NCAPH: variants seen among roughly 807,000 people sequenced by gnomAD.
NCAPH encodes non-SMC condensin I complex subunit H, also known as condensin complex subunit 2.
A neutral mutation model predicts 85.5 loss-of-function variants in NCAPH; 38 were observed. The observed-to-expected ratio is 0.44, with a 90% CI of 0.34 to 0.58. NCAPH has a LOEUF of 0.58. NCAPH is among the 20% of genes least tolerant of loss of function. The pLI, the probability that NCAPH is intolerant of heterozygous loss-of-function variation, is 0.01. For synonymous variants in NCAPH, 301 were observed against 335.1 expected, an observed-to-expected ratio of 0.90 and a Z score of 1.11; for missense variants, 789 against 916.6, an observed-to-expected ratio of 0.86 and a Z score of 1.80.
At chr2:96,370,912 G>C (rs1457957224) in intron 17 of NCAPH, among the ~76,000 whole-genome samples, 2 of 152,180 alleles carry the variant, frequency 1.3e-5, no homozygotes, top group Non-Finnish European at 2.9e-5. Context: ...GCTGCTGTTG[G>C]GGGGCAGTAA....
chr2:96,363,188 T>C (rs1481424800), intron 12 of NCAPH, among the ~76,000 whole-genome samples: 3 of 152,260 alleles, frequency 2.0e-5, no homozygotes. Context: ...ATTATAATTT[T>C]TTAGCAATGA....
rs371568088 is a variant in NCAPH, at chr2:96,359,513, G to A, written c.1357+320G>A. The A allele has an allele frequency of 3.9e-5, 13 of 334,830 alleles. No homozygotes were observed. The East Asian group carries it at 6.3e-4, about 16-fold the overall frequency. The allele number at this position is 334,830 out of a possible 1,614,324, so 20.7% of individuals were successfully genotyped here. A position where few individuals can be genotyped will look rare whatever the true frequency, so the allele number is the denominator to read the frequency against. On this transcript the variant is annotated intron_variant, in intron 10 of 17. Coordinates refer to ENST00000240423, the MANE Select transcript of NCAPH (RefSeq NM_015341.5). The stretch of plus-strand genomic sequence containing the variant: ...GGGCATGACCCCCGGGCACTAGAGG[G>A]CACACAGGAGCTACTGCACATGTTG...
chr2:96,358,665 T>A (rs761031765), intron 9 of NCAPH, among the ~76,000 whole-genome samples: 17 of 152,196 alleles, frequency 1.1e-4, no homozygotes, highest in Non-Finnish European at 2.5e-4. Context: ...AGACGGCGTT[T>A]CACTGTGTTA....
rs1466527411 is a variant in NCAPH at position 96,374,190 on chromosome 2, A to G, written c.*839A>G. ...GGACACCCAAGGTAGAGGAACTTGCAAAAGGGCAGCCGGCAAACTGTCAGG... is the reference window on the plus strand; with the variant it reads ...GGACACCCAAGGTAGAGGAACTTGCGAAAGGGCAGCCGGCAAACTGTCAGG... On this transcript the variant is annotated 3_prime_UTR_variant, in exon 18 of 18. Transcript: ENST00000240423. 6.6e-6 allele frequency among the ~76,000 whole-genome samples: 1 copy of G among 152,182 alleles called. No individual in the cohort carries two copies. The highest frequency in any genetic ancestry group is 1.9e-4 in the East Asian group (1 of 5,200).
intron 12 of NCAPH, 138 bp from the exon 13 acceptor site, chr2:96,364,343 A>G: frequency 1.7e-6 from 1 of 585,382 alleles, no homozygotes. Flanking sequence ...TTAGACTTAG[A>G]TGACTTGTGA....
chr2:96,367,057 T>C (rs543457968), intron 14 of NCAPH, among the ~76,000 whole-genome samples, 200 bp from the exon 15 acceptor site: 162 of 152,176 alleles, frequency 1.1e-3, no homozygotes, highest in Middle Eastern at 6.8e-3. Flanking sequence ...GATTGCACCA[T>C]TGCCATCCAG....
chr2:96,343,199 A>T lies in NCAPH; in HGVS notation c.490A>T (p.Ile164Phe), dbSNP rs1263126638. 1 of 1,614,130 alleles carries T rather than the reference A, an allele frequency of 6.2e-7. No homozygotes were observed. Among genetic ancestry groups the T allele is most frequent in the Admixed American group, 1.7e-5 (1 of 60,014 alleles). ...AAGTLDASTK[I>F]YAVRVDAVHA... ...GGGTACTCTGGATGCCAGCACCAAG[A>T]TCTATGCTGTGCGCGTGGATGCCGT... The change falls in exon 5 of 18, where the codon ATC (isoleucine) becomes TTC (phenylalanine). Residue 164 changes from isoleucine to phenylalanine, a missense_variant. Ile to Phe is a conservative substitution (Grantham distance 21). Coordinates refer to ENST00000240423, the MANE Select transcript of NCAPH (RefSeq NM_015341.5).
rs1396410789 is a variant in NCAPH at position 96,373,942 on chromosome 2, C to T, written c.*591C>T. On this transcript the variant is annotated 3_prime_UTR_variant, in exon 18 of 18. Coordinates refer to ENST00000240423, the MANE Select transcript of NCAPH (RefSeq NM_015341.5). ...AGGATACACACCTGTCAGTATAAGG[C>T]AGAAGATGCCTAAGGGCCAAGATGG... 6.6e-6 allele frequency: 1 copy of T among 152,306 alleles called. No homozygotes were observed. Among genetic ancestry groups the T allele is most frequent in the Non-Finnish European group, 1.5e-5 (1 of 68,062 alleles). The allele number at this position is 152,306 out of a possible 1,614,324, so 9.4% of individuals were successfully genotyped here.
chr2:96,342,960 G>A (rs933802153), intron 4 of NCAPH, 112 bp downstream of exon 4: 49 of 1,156,570 alleles, frequency 4.2e-5, no homozygotes, highest in Non-Finnish European at 6.1e-5. Context: ...TCATTTAGAT[G>A]TTATGTTAGT....
chr2:96,344,043 A>C, intron 5 of NCAPH, 62 bp from the exon 6 acceptor site: 2 of 1,556,488 alleles, frequency 1.3e-6, no homozygotes, highest in Non-Finnish European at 1.7e-6. Context: ...AACTTGAGTT[A>C]GTAAGTTCAT....
Position 96,335,850 on chromosome 2 carries a change from T to A in NCAPH, c.19+2T>A, listed in dbSNP as rs759106037. 6.7e-7 allele frequency: 1 copy of A among 1,490,284 alleles called. No individual in the cohort carries two copies. The allele number at this position is 1,490,284 out of a possible 1,614,324, so 92.3% of individuals were successfully genotyped here. A position where few individuals can be genotyped will look rare whatever the true frequency, so the allele number is the denominator to read the frequency against. Reference sequence around the variant, plus strand: ...GAAAGATGGGACCTCCCGGCCCAGGTGAGCCGGGCGGTCGGGAGGCGCGGC... The same window carrying A: ...GAAAGATGGGACCTCCCGGCCCAGGAGAGCCGGGCGGTCGGGAGGCGCGGC... On this transcript the variant is annotated splice_donor_variant, in intron 1 of 17. Coordinates refer to ENST00000240423, the MANE Select transcript of NCAPH (RefSeq NM_015341.5). LOFTEE classifies it high-confidence loss of function.
rs759878969 is a variant in NCAPH, at chr2:96,341,870, G to T, written c.248G>T (p.Arg83Leu). 6.2e-7 allele frequency: 1 copy of T among 1,610,798 alleles called. No individual in the cohort carries two copies. Among genetic ancestry groups the T allele is most frequent in the Admixed American group, 1.7e-5 (1 of 59,990 alleles). The change falls in exon 2 of 18, where the codon CGC (arginine) becomes CTC (leucine). Residue 83 changes from arginine to leucine, a missense_variant. Transcript: ENST00000240423. ...CTGCAGTTCAGCACTGACTCACCTC[G>T]CTTATTGGCCTCCCCCTCCAGCAGG... ...FDLQFSTDSPRLLASPSSRSI... is the reference protein window; with the variant it reads ...FDLQFSTDSPLLLASPSSRSI...
At chr2:96,358,141 A>C (rs2064548942) in intron 9 of NCAPH, among the ~76,000 whole-genome samples, 1 of 152,150 alleles carries the variant, frequency 6.6e-6, no homozygotes, top group Non-Finnish European at 1.5e-5. Flanking sequence ...AGAGTGAAAA[A>C]CCAAACTGAA....
intron 6 of NCAPH, among the ~76,000 whole-genome samples, chr2:96,348,709 G>A (rs59979953): frequency 0.31 from 47,327 of 151,680 alleles, 7,965 homozygotes; most frequent in South Asian, 0.69. Context: ...AGGCTGGAGT[G>A]CAGTGGCACG....
chr2:96,364,219 G>A (rs180903949), intron 12 of NCAPH, among the ~76,000 whole-genome samples: 128 of 152,306 alleles, frequency 8.4e-4, no homozygotes, highest in Non-Finnish European at 1.4e-3. Flanking sequence ...GTAAAACTGT[G>A]CAGAAGGCCT....
At chr2:96,367,163 C>T in intron 14 of NCAPH, 94 bp from the exon 15 acceptor site, 1 of 813,634 alleles carries the variant, frequency 1.2e-6, no homozygotes, top group East Asian at 2.7e-5. Flanking sequence ...TGGATTCCTT[C>T]TTTAGTTGAA....
At chr2:96,336,835 A>G (rs2064221085) in intron 1 of NCAPH, among the ~76,000 whole-genome samples, 1 of 152,236 alleles carries the variant, frequency 6.6e-6, no homozygotes, top group Non-Finnish European at 1.5e-5. Flanking sequence ...CACATCTAGG[A>G]CCAACGTTTA....
chr2:96,348,593 T>TC (rs2104441270), intron 6 of NCAPH, among the ~76,000 whole-genome samples: 1 of 151,934 alleles, frequency 6.6e-6, no homozygotes, highest in East Asian at 1.9e-4. Flanking sequence ...TTCCCTTCCC[T>TC]CCCCCAATTC....
intron 12 of NCAPH, among the ~76,000 whole-genome samples, chr2:96,362,007 G>A (rs986370667): frequency 6.6e-6 from 1 of 151,068 alleles, no homozygotes; most frequent in Non-Finnish European, 1.5e-5. Flanking sequence ...GCCTCCCAAA[G>A]TACAGGGATT....
Sources: gnomAD v4.1 joint callset for allele counts (sites outside exome capture counted in the v4.1 genomes callset) on GRCh38, gnomAD v4.1.1 for gene constraint, MANE v1.5 for transcripts, NCBI Gene and HGNC (gene_info 2026-07-23, HGNC 2026-07-21) for gene names.